The following ATM variants were observed in gnomAD, a reference collection of about 807,000 sequenced individuals.
The protein encoded by ATM is ATM serine/threonine kinase.
Under a neutral mutation model 387.0 loss-of-function variants are expected in ATM, and 308 were observed. That is an observed-to-expected ratio of 0.80 (90% CI 0.73 to 0.87). The LOEUF (loss-of-function observed/expected upper bound fraction) is 0.87. Among genes scored for constraint, ATM ranks in the 40% least tolerant of loss-of-function variants. The pLI, the probability that ATM is intolerant of heterozygous loss-of-function variation, is 0.00. For missense variants in ATM, 3,312 were observed against 3,560.9 expected (o/e 0.93, Z 1.78); for synonymous variants, 1,156 against 1,187.3 (o/e 0.97, Z 0.54).
intron 26 of ATM, 85 bp from the exon 27 acceptor site, chr11:108,287,503 GAATACTTTTGGA>G: frequency 1.4e-6 from 1 of 734,122 alleles, no homozygotes; most frequent in Non-Finnish European, 2.2e-6. Flanking sequence ...TACAGTCATC[GAATACTTTTGGA>G]AATAAGGTAA....
At chr11:108,245,855 C>T (rs1216567026) in intron 7 of ATM, among the ~76,000 whole-genome samples, 1 of 139,344 alleles carries the variant, frequency 7.2e-6, no homozygotes, top group African/African-American at 2.7e-5. Context: ...GACAGAGTCT[C>T]ACTCTGTCGC....
intron 44 of ATM, 56 bp from the exon 45 acceptor site, chr11:108,321,245 A>G: frequency 6.2e-7 from 1 of 1,606,782 alleles, no homozygotes; most frequent in Non-Finnish European, 8.5e-7. Context: ...TTAAACATTT[A>G]TTTCCCTGAA....
intron 42 of ATM, among the ~76,000 whole-genome samples, chr11:108,317,168 G>T (rs982723021): frequency 6.6e-5 from 10 of 151,652 alleles, no homozygotes; most frequent in Non-Finnish European, 1.3e-4. Context: ...CAAACTCCTG[G>T]GCTCAAGTGA....
At chr11:108,328,990 T>C in intron 48 of ATM, 31 bp from the exon 49 acceptor site, 2 of 1,580,540 alleles carry the variant, frequency 1.3e-6, no homozygotes, top group Middle Eastern at 1.7e-4. Flanking sequence ...TATTTGTAAA[T>C]ATAATTTAAA....
chr11:108,246,868 C>A, intron 7 of ATM, 96 bp from the exon 8 acceptor site: 1 of 1,006,958 alleles, frequency 9.9e-7, no homozygotes, highest in Non-Finnish European at 1.5e-6. Context: ...TGTCTTCTAA[C>A]GCTGATGCAG....
intron 48 of ATM, among the ~76,000 whole-genome samples, chr11:108,328,678 A>G (rs1186447850): frequency 6.6e-6 from 1 of 152,208 alleles, no homozygotes; most frequent in Non-Finnish European, 1.5e-5. Context: ...GGGCTGTCCA[A>G]TCTTTTGGCT....
intron 53 of ATM, 68 bp from the exon 54 acceptor site, chr11:108,333,818 C>G (rs2086533102): frequency 8.0e-7 from 1 of 1,248,376 alleles, no homozygotes. Context: ...TATCTGCTGA[C>G]TATTCCTGCT....
chr11:108,336,135 A>G lies in ATM; in HGVS notation c.8268+174A>G. On this transcript the variant is annotated intron_variant, in intron 56 of 62. Coordinates refer to ENST00000675843, the MANE Select transcript of ATM (RefSeq NM_000051.4). Reference sequence around the variant, plus strand: ...AACATAGTGAGACCCCATCTTGACAAAAAGTTAAAAAAAAAAAAAAAGCCA... The same window carrying G: ...AACATAGTGAGACCCCATCTTGACAGAAAGTTAAAAAAAAAAAAAAAGCCA... The G allele has an allele frequency of 5.4e-6, 3 of 557,824 alleles. No homozygotes were observed. The South Asian group carries it at 6.2e-5, about 12-fold the overall frequency. The allele number at this position is 557,824 out of a possible 1,614,324, so 34.6% of individuals were successfully genotyped here. A position where few individuals can be genotyped will look rare whatever the true frequency, so the allele number is the denominator to read the frequency against.
At position 108,301,776 on chromosome 11, in the gene ATM, C is replaced by CTGT; in HGVS notation, c.5306_5307insTGT (p.Thr1769_Ser1770insVal). Reference sequence around the variant, plus strand: ...CTGGCCTATCTACAGCCTTTTAGAACATCAAGAAAAAAGGTCTCTTAAGTA... The same window carrying CTGT: ...CTGGCCTATCTACAGCCTTTTAGAACTGTATCAAGAAAAAAGGTCTCTTAAGTA... On this transcript the variant is annotated inframe_insertion, in exon 35 of 63. Transcript: ENST00000675843. The CTGT allele has an allele frequency of 6.2e-7, 1 of 1,613,438 alleles. No individual in the cohort carries two copies. The highest frequency in any genetic ancestry group is 8.5e-7 in the Non-Finnish European group (1 of 1,179,638).
At chr11:108,294,235 C>T (rs2082996317) in intron 31 of ATM, among the ~76,000 whole-genome samples, 1 of 151,868 alleles carries the variant, frequency 6.6e-6, no homozygotes, top group Non-Finnish European at 1.5e-5. Flanking sequence ...TTATAAACCT[C>T]GAAATTATGT....
intron 1 of ATM, chr11:108,224,282 G>A (rs1196857451): frequency 6.6e-6 from 1 of 152,172 alleles, no homozygotes; most frequent in Non-Finnish European, 1.5e-5. Context: ...ACACTCCTTA[G>A]CACTAGAAAA....
intron 29 of ATM, among the ~76,000 whole-genome samples, chr11:108,291,900 C>T (rs2082816118): frequency 6.6e-6 from 1 of 152,088 alleles, no homozygotes; most frequent in Non-Finnish European, 1.5e-5. Context: ...TGAATTCCCC[C>T]TAATTTGTGG....
At position 108,249,004 on chromosome 11, in the gene ATM, T is replaced by C; in HGVS notation, c.1137T>C (p.Asp379=). ...SYTTTQRESS[D]YSVPCKRKKI... is the part of the protein sequence containing the mutation. ...CTACTACACAAAGAGAATCTAGTGA[T>C]TACAGTGTCCCTTGCAAAAGGAAGA... Residue 379 remains aspartate (D), a synonymous_variant, in exon 9 of 63, where the codon GAT becomes GAC. Coordinates refer to ENST00000675843, the MANE Select transcript of ATM (RefSeq NM_000051.4). The C allele has an allele frequency of 6.2e-7, 1 of 1,613,558 alleles. No individual in the cohort carries two copies. The highest frequency in any genetic ancestry group is 2.2e-5 in the East Asian group (1 of 44,862).
rs767425639 is a variant in ATM, at chr11:108,299,894, T to C, written c.5177+9T>C. On this transcript the variant is annotated intron_variant, in intron 34 of 62. Transcript: ENST00000675843. The stretch of plus-strand genomic sequence containing the variant: ...ACACTGGTAGAAGATTGGTGAGTAT[T>C]TATTGATACCTTATATGTAATCTCA... The C allele has an allele frequency of 6.2e-7, 1 of 1,610,306 alleles. No homozygotes were observed. The highest frequency in any genetic ancestry group is 1.7e-5 in the Admixed American group (1 of 60,014).
At chr11:108,233,545 GGTGACAGAGTGA>G (rs2079123495) in intron 4 of ATM, among the ~76,000 whole-genome samples, 1 of 149,546 alleles carries the variant, frequency 6.7e-6, no homozygotes, top group African/African-American at 2.5e-5. Context: ...CTCCAGTCTG[GGTGACAGAGTGA>G]GATCCTGTGT....
chr11:108,271,913 T>G (rs2081606502), intron 20 of ATM, among the ~76,000 whole-genome samples: 1 of 152,196 alleles, frequency 6.6e-6, no homozygotes, highest in African/African-American at 2.4e-5. Context: ...TCACCCAGGC[T>G]GCAGGCTGGA....
intron 61 of ATM, among the ~76,000 whole-genome samples, chr11:108,356,537 TCTTA>T: frequency 2.9e-5 from 4 of 136,722 alleles, no homozygotes; most frequent in African/African-American, 1.1e-4. Context: ...ACTCTGTCTG[TCTTA>T]AAAAAAAAAA....
intron 14 of ATM, 50 bp downstream of exon 14, chr11:108,256,390 A>C (rs1157122764): frequency 1.3e-6 from 2 of 1,559,840 alleles, no homozygotes; most frequent in Non-Finnish European, 1.8e-6. Flanking sequence ...AATGAAATGT[A>C]TTCCTGTGAA....
Position 108,365,113 on chromosome 11 carries a change from C to A in ATM, c.8882C>A (p.Thr2961Asn), listed in dbSNP as rs1591384581. Residue 2961 changes from threonine (T) to asparagine (N), a missense_variant, in exon 62 of 63, where the codon ACC (threonine) becomes AAC (asparagine). Physicochemically the swap from Thr to Asn is moderately conservative, Grantham distance 65. Coordinates refer to ENST00000675843, the MANE Select transcript of ATM (RefSeq NM_000051.4). The part of the protein sequence containing the change: ...VLLYDPLFDW[T>N]MNPLKALYLQ... ...CTATATGATCCACTCTTTGACTGGACCATGAATCCTTTGAAAGCTTTGTAT... is the reference window on the plus strand; with the variant it reads ...CTATATGATCCACTCTTTGACTGGAACATGAATCCTTTGAAAGCTTTGTAT... 6.2e-7 allele frequency: 1 copy of A among 1,613,974 alleles called. No homozygotes were observed. The highest frequency in any genetic ancestry group is 8.5e-7 in the Non-Finnish European group (1 of 1,179,996).
Sources: gnomAD v4.1 joint callset for allele counts (sites outside exome capture counted in the v4.1 genomes callset) on GRCh38, gnomAD v4.1.1 for gene constraint, MANE v1.5 for transcripts, NCBI Gene and HGNC (gene_info 2026-07-23, HGNC 2026-07-21) for gene names.